The following LMO3 variants were observed in gnomAD, a reference collection of about 807,000 sequenced individuals.
LMO3 encodes the protein LIM domain only 3, also known as LIM domain only protein 3.
A neutral mutation model predicts 15.8 loss-of-function variants in LMO3; 2 were observed. That is an observed-to-expected ratio of 0.13 (90% CI 0.05 to 0.40). The LOEUF (loss-of-function observed/expected upper bound fraction) is 0.40. LMO3 is among the 10% of genes least tolerant of loss of function. The probability of loss-of-function intolerance (pLI) is 0.99; values close to 1 mark genes in which losing one functional copy is unlikely to be tolerated. For synonymous variants in LMO3, 62 were observed against 63.8 expected (o/e 0.97, Z 0.13); for missense variants, 86 against 182.2 (o/e 0.47, Z 3.04).
intron 2 of LMO3, among the ~76,000 whole-genome samples, chr12:16,572,848 C>CT (rs1466363715): frequency 2.0e-5 from 3 of 151,636 alleles, no homozygotes; most frequent in Admixed American, 1.3e-4. Context: ...AAGGATACTA[C>CT]ATTAAGGCCA....
intron 2 of LMO3, chr12:16,567,358 T>C (rs1333078269): frequency 1.3e-5 from 2 of 153,422 alleles, no homozygotes; most frequent in African/African-American, 4.8e-5. Flanking sequence ...AAATGTTCAG[T>C]GGACTATGGG....
At chr12:16,577,509 A>G (rs556623223) in intron 2 of LMO3, among the ~76,000 whole-genome samples, 1 of 152,264 alleles carries the variant, frequency 6.6e-6, no homozygotes, top group African/African-American at 2.4e-5. Flanking sequence ...CCCTCCAGTC[A>G]ATATTTATTG....
At chr12:16,588,768 A>T (rs1943401620) in intron 2 of LMO3, among the ~76,000 whole-genome samples, 1 of 152,082 alleles carries the variant, frequency 6.6e-6, no homozygotes, top group Non-Finnish European at 1.5e-5. Context: ...CGACCTCATT[A>T]TACTAGTAGC....
intron 2 of LMO3, among the ~76,000 whole-genome samples, chr12:16,580,919 A>T (rs1385057576): frequency 6.6e-6 from 1 of 152,230 alleles, no homozygotes; most frequent in African/African-American, 2.4e-5. Context: ...ATGAATAAGT[A>T]TACTGTGTAT....
chr12:16,564,751 T>G (rs1303057016), intron 2 of LMO3, among the ~76,000 whole-genome samples: 1 of 152,176 alleles, frequency 6.6e-6, no homozygotes, highest in Non-Finnish European at 1.5e-5. Context: ...AGATCAGTAG[T>G]CAAGCAATCC....
At position 16,586,888 on chromosome 12, in the gene LMO3, G is replaced by A. The variant is rs76529060; in HGVS notation, c.206+13767C>T. Among the ~76,000 whole-genome samples the A allele has an allele frequency of 0.065, 9,949 of 152,164 alleles. 480 individuals carry two copies. Among genetic ancestry groups the A allele is most frequent in the Non-Finnish European group, 0.092 (6,264 of 67,990 alleles). ...TTAAAATGGTAAAATTAGACAATAC[G>A]TCTCATCTAAATTCATGGAATTCTC... is the stretch of plus-strand genomic sequence containing the variant. On this transcript the variant is annotated intron_variant, in intron 2 of 3. Transcript: ENST00000537304. This position sits in a 1 kb window ranked among gnomAD's most constrained non-coding sequence, Gnocchi z 4.3.
At position 16,551,183 on chromosome 12, in the gene LMO3, T is replaced by G. The variant is rs1159550638; in HGVS notation, c.*39A>C. 5 of 1,241,458 alleles carry G rather than the reference T, an allele frequency of 4.0e-6. No homozygotes were observed. Among genetic ancestry groups the G allele is most frequent in the East Asian group, 2.3e-5 (1 of 43,092 alleles). The allele number at this position is 1,241,458 out of a possible 1,614,324, so 76.9% of individuals were successfully genotyped here. ...ATGTGGAGCAAAAAAGATAAAAGAA[T>G]GTAGTGCTTTGTATTCTTAATGGGG... On this transcript the variant is annotated 3_prime_UTR_variant, in exon 4 of 4. Transcript: ENST00000537304.
chr12:16,607,359 T>C (rs1378851793), upstream of LMO3: 1 of 152,160 alleles, frequency 6.6e-6, no homozygotes, highest in African/African-American at 2.4e-5. Flanking sequence ...CAGGACTAAC[T>C]TGGTCAAAGA....
intron 3 of LMO3, among the ~76,000 whole-genome samples, chr12:16,557,039 TCTC>T (rs1366447912): frequency 6.6e-6 from 1 of 152,208 alleles, no homozygotes; most frequent in Non-Finnish European, 1.5e-5. Flanking sequence ...TTGACTGAGT[TCTC>T]CTGAGGAGAC....
chr12:16,557,396 C>T (rs1462624577), intron 3 of LMO3, among the ~76,000 whole-genome samples: 4 of 143,330 alleles, frequency 2.8e-5, no homozygotes, highest in African/African-American at 7.7e-5. Context: ...AAACGTAATT[C>T]CTAGTGTTTT....
In LMO3 at chr12:16,582,449, G is replaced by A. The variant is rs1395516521; in HGVS notation, c.206+18206C>T. The stretch of plus-strand genomic sequence containing the variant: ...TTATATTTTATATTGTCTTTATCAG[G>A]TCAAGGTACTGTATTAGAGTTATGT... On this transcript the variant is annotated intron_variant, in intron 2 of 3. Coordinates refer to ENST00000537304, the MANE Select transcript of LMO3 (RefSeq NM_018640.5). This position sits in a 1 kb window ranked among gnomAD's most constrained non-coding sequence, Gnocchi z 4.1. Among the ~76,000 whole-genome samples, 1 of 152,132 alleles carries A rather than the reference G, an allele frequency of 6.6e-6. No individual in the cohort carries two copies. The highest frequency in any genetic ancestry group is 1.5e-5 in the Non-Finnish European group (1 of 68,014).
chr12:16,579,960 G>C (rs1943109154), intron 2 of LMO3, among the ~76,000 whole-genome samples: 1 of 152,146 alleles, frequency 6.6e-6, no homozygotes, highest in Admixed American at 6.6e-5. Context: ...TGCACAGGGT[G>C]CTTTCTGGTC....
At chr12:16,565,049 C>T (rs922293125) in intron 2 of LMO3, among the ~76,000 whole-genome samples, 1 of 152,108 alleles carries the variant, frequency 6.6e-6, no homozygotes, top group Non-Finnish European at 1.5e-5. Flanking sequence ...CTTGGCCTCC[C>T]AAAGTTATCA....
chr12:16,558,524 G>T (rs917856182), intron 3 of LMO3, among the ~76,000 whole-genome samples: 1 of 152,006 alleles, frequency 6.6e-6, no homozygotes, highest in Non-Finnish European at 1.5e-5. Flanking sequence ...ATGGATGTGG[G>T]AATGTTTGTG....
rs879096400 is a variant in LMO3 at position 16,560,602 on chromosome 12, G to A, written c.207-64C>T. Reference sequence around the variant, plus strand: ...ACAGAGAAATCTGAGATCGTGAAGAGAGATGATGTTAATATACTCTGTAAA... The same window carrying A: ...ACAGAGAAATCTGAGATCGTGAAGAAAGATGATGTTAATATACTCTGTAAA... On this transcript the variant is annotated intron_variant, in intron 2 of 3. Transcript: ENST00000537304. The surrounding 1 kb of genome is among the most constrained non-coding windows in gnomAD (Gnocchi z 5.0). 11 of 1,447,750 alleles carry A rather than the reference G, an allele frequency of 7.6e-6. No homozygotes were observed. The South Asian group carries it at 1.3e-4, about 18-fold the overall frequency. 89.7% of individuals were successfully genotyped at this position (1,447,750 alleles called of 1,614,324 possible).
In LMO3 at chr12:16,600,695, T is replaced by C; in HGVS notation, c.166A>G (p.Thr56Ala). Residue 56 changes from threonine (T) to alanine (A), a missense_variant, in exon 2 of 4, where the codon ACT becomes GCT. Thr to Ala is a moderately conservative substitution (Grantham distance 58). Around this residue, in one of 3 missense-constraint regions of LMO3, gnomAD observed 51 missense variants for 140.3 expected, o/e 0.36. Transcript: ENST00000537304. ...CGACAAAGGATAAGATTAGCTTTAG[T>C]GTACAGGGTGGAGCCCACCTCTCCC... is the stretch of plus-strand genomic sequence containing the variant. The part of the protein sequence containing the change: ...RLGEVGSTLY[T>A]KANLILCRRD... The C allele has an allele frequency of 6.2e-7, 1 of 1,614,114 alleles. No homozygotes were observed. The highest frequency in any genetic ancestry group is 8.5e-7 in the Non-Finnish European group (1 of 1,179,986).
rs1376356130 is a variant in LMO3 at position 16,598,439 on chromosome 12, T to A, written c.206+2216A>T. On this transcript the variant is annotated intron_variant, in intron 2 of 3. Transcript: ENST00000537304. This position sits in a 1 kb window ranked among gnomAD's most constrained non-coding sequence, Gnocchi z 4.3. ...TTAACATAACAACTGGCCATTAATG[T>A]GGTAATGACCAATTTAAGCGGAAAT... is the stretch of plus-strand genomic sequence containing the variant. 6.6e-6 allele frequency: 1 copy of A among 152,104 alleles called. No homozygotes were observed. The highest frequency in any genetic ancestry group is 2.4e-5 in the African/African-American group (1 of 41,442). The allele number at this position is 152,104 out of a possible 1,614,324, so 9.4% of individuals were successfully genotyped here.
intron 2 of LMO3, chr12:16,567,397 G>A (rs1346447569): frequency 6.5e-6 from 1 of 152,748 alleles, no homozygotes; most frequent in East Asian, 1.9e-4. Context: ...CAGTGAGAAG[G>A]ATAACTCAGG....
At position 16,604,841 on chromosome 12, in the gene LMO3, A is replaced by T; in HGVS notation, c.-9+1225T>A. ...GGAGTGCAGAGCGCCAGCAAAGTGCATCTATGATAGACTGTAACCTTACCA... is the reference window on the plus strand; with the variant it reads ...GGAGTGCAGAGCGCCAGCAAAGTGCTTCTATGATAGACTGTAACCTTACCA... On this transcript the variant is annotated intron_variant, in intron 1 of 3. Transcript: ENST00000537304. The surrounding 1 kb of genome is among the most constrained non-coding windows in gnomAD (Gnocchi z 5.3). 1 of 1,598,276 alleles carries T rather than the reference A, an allele frequency of 6.3e-7. No homozygotes were observed. The highest frequency in any genetic ancestry group is 8.5e-7 in the Non-Finnish European group (1 of 1,179,622).
Sources: gnomAD v4.1 joint callset for allele counts (sites outside exome capture counted in the v4.1 genomes callset) on GRCh38, gnomAD v4.1.1 for gene constraint, gnomAD v4.1.1 regional missense constraint, Gnocchi (gnomAD v3.1) non-coding constraint, MANE v1.5 for transcripts, NCBI Gene and HGNC (gene_info 2026-07-23, HGNC 2026-07-21) for gene names.